The following RTRAF variants were observed in gnomAD, a reference collection of about 807,000 sequenced individuals.
RTRAF encodes RNA transcription, translation and transport factor, also known as tRNA-splicing ligase complex subunit RTRAF.
RTRAF carries 14 observed loss-of-function variants against 34.4 expected under a neutral mutation model. That is an observed-to-expected ratio of 0.41 (90% CI 0.27 to 0.64). The LOEUF (loss-of-function observed/expected upper bound fraction) is 0.64, where lower values mean the gene tolerates loss of function less well. Among genes scored for constraint, RTRAF ranks in the 30% least tolerant of loss-of-function variants. The pLI is 0.34. For missense variants in RTRAF, 291 were observed against 288.4 expected, an observed-to-expected ratio of 1.01 and a Z score of -0.06; for synonymous variants, 96 against 95.3, an observed-to-expected ratio of 1.01 and a Z score of -0.04.
chr14:51,990,860 C>T (rs1245590131), intron 1 of RTRAF, among the ~76,000 whole-genome samples: 3 of 152,132 alleles, frequency 2.0e-5, no homozygotes, highest in African/African-American at 7.2e-5. Context: ...ATAAATTTAA[C>T]CTTGCCCTCC....
chr14:52,001,305 A>G (rs1437283768), intron 5 of RTRAF, among the ~76,000 whole-genome samples: 1 of 152,176 alleles, frequency 6.6e-6, no homozygotes, highest in African/African-American at 2.4e-5. Context: ...AAAACCACCA[A>G]CGGTGTCCTT....
chr14:52,001,452 G>T (rs1238669049), intron 5 of RTRAF, among the ~76,000 whole-genome samples: 1 of 152,140 alleles, frequency 6.6e-6, no homozygotes, highest in Admixed American at 6.5e-5. Flanking sequence ...TTTAGTGAGG[G>T]TAAGGAATCT....
In RTRAF at chr14:52,006,788, A is replaced by T; in HGVS notation, c.*2272A>T. On this transcript the variant is annotated 3_prime_UTR_variant, in exon 8 of 8. Transcript: ENST00000261700. The stretch of plus-strand genomic sequence containing the variant: ...TTTACTTCCATTACAGTCATAGATT[A>T]GCAACTGTAAAATTACCTGTCCTAT... 1.0e-6 allele frequency: 1 copy of T among 986,740 alleles called. No individual in the cohort carries two copies. Among genetic ancestry groups the T allele is most frequent in the East Asian group, 2.6e-5 (1 of 38,956 alleles). 61.1% of individuals were successfully genotyped at this position (986,740 alleles called of 1,614,324 possible). A position where few individuals can be genotyped will look rare whatever the true frequency, so the allele number is the denominator to read the frequency against.
In RTRAF at chr14:52,006,688, T is replaced by TC; in HGVS notation, c.*2174dup. 1 of 1,611,696 alleles carries TC rather than the reference T, an allele frequency of 6.2e-7. No individual in the cohort carries two copies. Among genetic ancestry groups the TC allele is most frequent in the South Asian group, 1.1e-5 (1 of 90,934 alleles). On this transcript the variant is annotated 3_prime_UTR_variant, in exon 8 of 8. Transcript: ENST00000261700. The stretch of plus-strand genomic sequence containing the variant: ...TTTAAAACAAAGGGGGAAAATGAGG[T>TC]CCTTCAGCTGCTTTGCCAAAAATGA...
At chr14:51,990,373 A>G (rs774325745) in intron 1 of RTRAF, among the ~76,000 whole-genome samples, 2 of 152,224 alleles carry the variant, frequency 1.3e-5, no homozygotes, top group Non-Finnish European at 2.9e-5. Flanking sequence ...CTGTAACTAA[A>G]CTGCTACCCA....
Position 52,005,689 on chromosome 14 carries a change from T to TTC in RTRAF, c.*1177_*1178dup, listed in dbSNP as rs1555361367. Reference sequence around the variant, plus strand: ...GGTAATCAAATACCATATATATCCCTTCTCTACCCTGCTAATTTAAAGGAG... The same window carrying TTC: ...GGTAATCAAATACCATATATATCCCTTCTCTCTACCCTGCTAATTTAAAGGAG... On this transcript the variant is annotated 3_prime_UTR_variant, in exon 8 of 8. Coordinates refer to ENST00000261700, the MANE Select transcript of RTRAF (RefSeq NM_016039.3). 1.3e-5 allele frequency: 20 copies of TTC among 1,494,158 alleles called. No homozygotes were observed. Among genetic ancestry groups the TTC allele is most frequent in the Non-Finnish European group, 1.9e-5 (20 of 1,071,056 alleles). 92.6% of individuals were successfully genotyped at this position (1,494,158 alleles called of 1,614,324 possible). A position where few individuals can be genotyped will look rare whatever the true frequency, so the allele number is the denominator to read the frequency against.
intron 2 of RTRAF, among the ~76,000 whole-genome samples, chr14:51,992,619 T>C (rs1481274259): frequency 6.6e-6 from 1 of 152,276 alleles, no homozygotes; most frequent in Non-Finnish European, 1.5e-5. Context: ...AGTGGACTTC[T>C]TAAAACTTTG....
Position 51,989,577 on chromosome 14 carries a change from C to G in RTRAF, c.-63C>G. On this transcript the variant is annotated 5_prime_UTR_variant, in exon 1 of 8. Coordinates refer to ENST00000261700, the MANE Select transcript of RTRAF (RefSeq NM_016039.3). ...CCGCGTCGCCGGTGCCTGCGCCTCCCGCTCCACCTCGCTTCTTCTCTCCCG... is the reference window on the plus strand; with the variant it reads ...CCGCGTCGCCGGTGCCTGCGCCTCCGGCTCCACCTCGCTTCTTCTCTCCCG... 1.3e-6 allele frequency: 2 copies of G among 1,525,288 alleles called. No individual in the cohort carries two copies. Among genetic ancestry groups the G allele is most frequent in the South Asian group, 2.4e-5 (2 of 82,098 alleles). The allele number at this position is 1,525,288 out of a possible 1,614,324, so 94.5% of individuals were successfully genotyped here. A position where few individuals can be genotyped will look rare whatever the true frequency, so the allele number is the denominator to read the frequency against.
At chr14:51,994,142 G>T (rs190047848) in intron 3 of RTRAF, among the ~76,000 whole-genome samples, 9 of 152,308 alleles carry the variant, frequency 5.9e-5, no homozygotes, top group Admixed American at 5.9e-4. Context: ...TTGAAGTGTT[G>T]TTGCAGTAGG....
At position 52,009,497 on chromosome 14, in the gene RTRAF, G is replaced by T. The variant is rs1890925730; in HGVS notation, c.*4981G>T. The T allele has an allele frequency of 2.0e-5, 3 of 152,126 alleles. No homozygotes were observed. The highest frequency in any genetic ancestry group is 2.0e-4 in the Admixed American group (3 of 15,262). The allele number at this position is 152,126 out of a possible 1,614,324, so 9.4% of individuals were successfully genotyped here. ...GTTATATTGCAACCTGGTTCAAGGT[G>T]GGTTTTCTTTTTATTAAAAATTCAA... On this transcript the variant is annotated 3_prime_UTR_variant, in exon 8 of 8. Coordinates refer to ENST00000261700, the MANE Select transcript of RTRAF (RefSeq NM_016039.3).
In RTRAF at chr14:51,991,387, C is replaced by T. The variant is rs1566730936; in HGVS notation, c.132C>T (p.Asp44=). The change falls in exon 2 of 8, where the codon GAC becomes GAT. Residue 44 remains aspartate, a synonymous_variant. Transcript: ENST00000261700. ...AAATCAGGCACTACAAGATTGAAGA[C>T]AGAGGGAATTTAAGAAACATCCACA... The part of the protein sequence containing the change: ...DQKIRHYKIE[D]RGNLRNIHSS... The T allele has an allele frequency of 5.6e-6, 9 of 1,613,506 alleles. No homozygotes were observed. The highest frequency in any genetic ancestry group is 7.6e-6 in the Non-Finnish European group (9 of 1,179,562).
rs1890951696 is a variant in RTRAF at position 52,010,072 on chromosome 14, G to A, written c.*5556G>A. On this transcript the variant is annotated 3_prime_UTR_variant, in exon 8 of 8. Coordinates refer to ENST00000261700, the MANE Select transcript of RTRAF (RefSeq NM_016039.3). ...GCCTATGCAAAGAGTTTTTAAGAGG[G>A]CTATTAATTCCTGTTAAGTCAACTG... The A allele has an allele frequency of 6.6e-6, 1 of 152,196 alleles. No individual in the cohort carries two copies. The highest frequency in any genetic ancestry group is 2.1e-4 in the South Asian group (1 of 4,826). 9.4% of individuals were successfully genotyped at this position (152,196 alleles called of 1,614,324 possible). A position where few individuals can be genotyped will look rare whatever the true frequency, so the allele number is the denominator to read the frequency against.
rs73284360 is a variant in RTRAF, at chr14:52,009,261, C to T, written c.*4745C>T. 3.3e-5 allele frequency: 5 copies of T among 152,142 alleles called. No individual in the cohort carries two copies. Among genetic ancestry groups the T allele is most frequent in the Admixed American group, 2.0e-4 (3 of 15,270 alleles). 9.4% of individuals were successfully genotyped at this position (152,142 alleles called of 1,614,324 possible). On this transcript the variant is annotated 3_prime_UTR_variant, in exon 8 of 8. Coordinates refer to ENST00000261700, the MANE Select transcript of RTRAF (RefSeq NM_016039.3). ...TACAGCATGCATATCATTGCTTCAT[C>T]GCTTCTGATCAGTCTCCTCCCCAAA... is the stretch of plus-strand genomic sequence containing the variant.
At position 52,006,690 on chromosome 14, in the gene RTRAF, C is replaced by T; in HGVS notation, c.*2174C>T. On this transcript the variant is annotated 3_prime_UTR_variant, in exon 8 of 8. Transcript: ENST00000261700. Reference sequence around the variant, plus strand: ...TAAAACAAAGGGGGAAAATGAGGTCCTTCAGCTGCTTTGCCAAAAATGATA... The same window carrying T: ...TAAAACAAAGGGGGAAAATGAGGTCTTTCAGCTGCTTTGCCAAAAATGATA... 1 of 1,611,060 alleles carries T rather than the reference C, an allele frequency of 6.2e-7. No homozygotes were observed. The highest frequency in any genetic ancestry group is 8.5e-7 in the Non-Finnish European group (1 of 1,177,968).
In RTRAF at chr14:51,989,557, T is replaced by G. The variant is rs567563792; in HGVS notation, c.-83T>G. 1.7e-5 allele frequency: 24 copies of G among 1,447,866 alleles called. No individual in the cohort carries two copies. The highest frequency in any genetic ancestry group is 2.3e-5 in the Non-Finnish European group (24 of 1,064,154). The allele number at this position is 1,447,866 out of a possible 1,614,324, so 89.7% of individuals were successfully genotyped here. A position where few individuals can be genotyped will look rare whatever the true frequency, so the allele number is the denominator to read the frequency against. On this transcript the variant is annotated 5_prime_UTR_variant, in exon 1 of 8. Coordinates refer to ENST00000261700, the MANE Select transcript of RTRAF (RefSeq NM_016039.3). Reference sequence around the variant, plus strand: ...AGCGCCTGCCCGCCCTCTCGCCGCGTCGCCGGTGCCTGCGCCTCCCGCTCC... The same window carrying G: ...AGCGCCTGCCCGCCCTCTCGCCGCGGCGCCGGTGCCTGCGCCTCCCGCTCC...
Position 51,993,618 on chromosome 14 carries a change from A to G in RTRAF, c.187-105A>G, listed in dbSNP as rs1453520081. 5 of 671,886 alleles carry G rather than the reference A, an allele frequency of 7.4e-6. No homozygotes were observed. The Admixed American group carries it at 1.3e-4, about 17-fold the overall frequency. 41.6% of individuals were successfully genotyped at this position (671,886 alleles called of 1,614,324 possible). ...AAAAGTGTAGTAATGTTATTAAAAAATTGTTAGAGATCCAAACTAAGGTCT... is the reference window on the plus strand; with the variant it reads ...AAAAGTGTAGTAATGTTATTAAAAAGTTGTTAGAGATCCAAACTAAGGTCT... On this transcript the variant is annotated intron_variant, in intron 2 of 7. Coordinates refer to ENST00000261700, the MANE Select transcript of RTRAF (RefSeq NM_016039.3).
rs370080385 is a variant in RTRAF at position 51,999,025 on chromosome 14, A to T, written c.373+445A>T. 5.3e-5 allele frequency among the ~76,000 whole-genome samples: 8 copies of T among 151,998 alleles called. No homozygotes were observed. In the East Asian group the frequency reaches 7.7e-4, roughly 15 times the overall value. ...TTTGTTCACTGGCTAATTCATTGTG[A>T]CCTATAATTTAGGAGTTAACCCTTT... On this transcript the variant is annotated intron_variant, in intron 4 of 7. Transcript: ENST00000261700.
rs1890923046 is a variant in RTRAF at position 52,009,439 on chromosome 14, T to C, written c.*4923T>C. 6.6e-6 allele frequency: 1 copy of C among 152,252 alleles called. No homozygotes were observed. Among genetic ancestry groups the C allele is most frequent in the Admixed American group, 6.5e-5 (1 of 15,288 alleles). 9.4% of individuals were successfully genotyped at this position (152,252 alleles called of 1,614,324 possible). A position where few individuals can be genotyped will look rare whatever the true frequency, so the allele number is the denominator to read the frequency against. Reference sequence around the variant, plus strand: ...ATGCAGGAAGGCTTGACAACCATTCTGTTACGCAGTTGAAGGAGATGTAAT... The same window carrying C: ...ATGCAGGAAGGCTTGACAACCATTCCGTTACGCAGTTGAAGGAGATGTAAT... On this transcript the variant is annotated 3_prime_UTR_variant, in exon 8 of 8. Transcript: ENST00000261700.
intron 6 of RTRAF, among the ~76,000 whole-genome samples, chr14:52,002,196 C>A (rs916337712): frequency 6.6e-6 from 1 of 152,198 alleles, no homozygotes; most frequent in African/African-American, 2.4e-5. Context: ...TATTTTGACT[C>A]ATGCTGGAGA....
Sources: gnomAD v4.1 joint callset for allele counts (sites outside exome capture counted in the v4.1 genomes callset) on GRCh38, gnomAD v4.1.1 for gene constraint, MANE v1.5 for transcripts, NCBI Gene and HGNC (gene_info 2026-07-23, HGNC 2026-07-21) for gene names.